The following EEF1AKMT1 variants were observed in gnomAD, a reference collection of about 807,000 sequenced individuals.
EEF1AKMT1 encodes the protein EEF1A lysine methyltransferase 1.
A neutral mutation model predicts 21.0 loss-of-function variants in EEF1AKMT1; 18 were observed. The observed-to-expected ratio is 0.86, with a 90% CI of 0.59 to 1.27. EEF1AKMT1 has a LOEUF of 1.27. Among genes scored for constraint, EEF1AKMT1 ranks in the 50% most tolerant of loss-of-function variants. EEF1AKMT1 has a pLI of 0.00. For synonymous variants in EEF1AKMT1, 109 were observed against 94.8 expected (o/e 1.15, Z -0.87); for missense variants, 246 against 258.6 (o/e 0.95, Z 0.33).
intron 1 of EEF1AKMT1, among the ~76,000 whole-genome samples, chr13:20,767,486 T>G (rs981584622): frequency 3.3e-5 from 5 of 152,002 alleles, no homozygotes; most frequent in Non-Finnish European, 5.9e-5. Flanking sequence ...CAAGTTTTCT[T>G]TTGGTATTTT....
chr13:20,738,040 C>A (rs1447191618), intron 2 of EEF1AKMT1, among the ~76,000 whole-genome samples: 1 of 152,196 alleles, frequency 6.6e-6, no homozygotes, highest in Non-Finnish European at 1.5e-5. Context: ...CACTGAGTAT[C>A]AACGGCTATT....
At chr13:20,749,238 C>G (rs1013134562) in intron 2 of EEF1AKMT1, among the ~76,000 whole-genome samples, 1 of 152,060 alleles carries the variant, frequency 6.6e-6, no homozygotes, top group African/African-American at 2.4e-5. Context: ...CCTTTCAATA[C>G]AATTTTCTAC....
chr13:20,746,826 T>C (rs1335641792), intron 2 of EEF1AKMT1, among the ~76,000 whole-genome samples: 12 of 152,226 alleles, frequency 7.9e-5, no homozygotes, highest in South Asian at 2.1e-4. Context: ...CCACTGAGCA[T>C]TGTGATGTGA....
intron 3 of EEF1AKMT1, among the ~76,000 whole-genome samples, chr13:20,736,923 A>G (rs934237971): frequency 6.6e-6 from 1 of 151,446 alleles, no homozygotes; most frequent in African/African-American, 2.4e-5. Flanking sequence ...TCATAGAGAA[A>G]GGGTTTCACC....
intron 2 of EEF1AKMT1, among the ~76,000 whole-genome samples, chr13:20,738,378 T>C (rs1384098564): frequency 6.6e-6 from 1 of 152,228 alleles, no homozygotes; most frequent in Admixed American, 6.5e-5. Flanking sequence ...TTTTAAAAAA[T>C]TTCTAGTGAT....
intron 2 of EEF1AKMT1, among the ~76,000 whole-genome samples, chr13:20,748,323 C>T (rs1158539584): frequency 3.9e-5 from 6 of 151,978 alleles, no homozygotes; most frequent in African/African-American, 1.2e-4. Flanking sequence ...GTAGTCCCAG[C>T]TACTCAGGAG....
chr13:20,773,598 G>A (rs1291421203), intron 1 of EEF1AKMT1, among the ~76,000 whole-genome samples: 1 of 152,242 alleles, frequency 6.6e-6, no homozygotes, highest in East Asian at 1.9e-4. Flanking sequence ...TCCACGCGCT[G>A]CCGTAGCCTG....
chr13:20,757,360 T>G, intron 2 of EEF1AKMT1, 95 bp downstream of exon 2: 1 of 1,420,546 alleles, frequency 7.0e-7, no homozygotes, highest in Non-Finnish European at 9.6e-7. Context: ...GTGACAGAGA[T>G]TCCGGTTTTA....
chr13:20,754,785 T>C (rs545914094), intron 2 of EEF1AKMT1, among the ~76,000 whole-genome samples: 7 of 149,028 alleles, frequency 4.7e-5, no homozygotes, highest in Non-Finnish European at 1.0e-4. Flanking sequence ...TAGTGGCACA[T>C]GCCTGTAGGC....
chr13:20,764,880 A>AACAC (rs34574835), intron 1 of EEF1AKMT1, among the ~76,000 whole-genome samples: 33,778 of 139,622 alleles, frequency 0.24, 4,314 homozygotes, highest in Admixed American at 0.33. Flanking sequence ...TTTCACTTTC[A>AACAC]ACACACACAC....
rs1269589048 is a variant in EEF1AKMT1 at position 20,759,691 on chromosome 13, AGGCATACAAGT to A, written c.-19-2085_-19-2075del. Among the ~76,000 whole-genome samples the A allele has an allele frequency of 2.0e-5, 3 of 152,360 alleles. No homozygotes were observed. The East Asian group carries it at 5.8e-4, about 29-fold the overall frequency. Reference sequence around the variant, plus strand: ...GTGGGCAAAGTACATGATTAATAGAAGGCATACAAGTGGCCAAGAAACATGAAAAAATGCTC... The same window carrying A: ...GTGGGCAAAGTACATGATTAATAGAAGGCCAAGAAACATGAAAAAATGCTC... On this transcript the variant is annotated intron_variant, in intron 1 of 4. Transcript: ENST00000382758.
chr13:20,767,176 A>AGG (rs1322699298), intron 1 of EEF1AKMT1, among the ~76,000 whole-genome samples: 15 of 150,710 alleles, frequency 1.0e-4, no homozygotes, highest in Admixed American at 9.9e-4. Context: ...CGTTGTGGCA[A>AGG]GCACCTGTAG....
chr13:20,739,045 A>C (rs377010146), intron 2 of EEF1AKMT1, among the ~76,000 whole-genome samples: 3 of 152,138 alleles, frequency 2.0e-5, no homozygotes, highest in East Asian at 1.9e-4. Context: ...ACGTATTCAA[A>C]GTTTCTTCCT....
chr13:20,768,721 G>A (rs945196800), intron 1 of EEF1AKMT1, among the ~76,000 whole-genome samples: 9 of 152,096 alleles, frequency 5.9e-5, no homozygotes, highest in African/African-American at 2.2e-4. Context: ...GGAAGGCTTA[G>A]ATGGTAAATA....
chr13:20,754,039 G>A (rs2058957760), intron 2 of EEF1AKMT1, among the ~76,000 whole-genome samples: 1 of 151,942 alleles, frequency 6.6e-6, no homozygotes, highest in Non-Finnish European at 1.5e-5. Flanking sequence ...ATTATGGTTT[G>A]GTGGTTTTCT....
At chr13:20,733,113 T>TTTTTTTA (rs2058807319) in intron 3 of EEF1AKMT1, among the ~76,000 whole-genome samples, 1 of 150,730 alleles carries the variant, frequency 6.6e-6, no homozygotes, top group African/African-American at 2.4e-5. Context: ...TTTTTTTTTT[T>TTTTTTTA]GAGACAGGGT....
intron 1 of EEF1AKMT1, among the ~76,000 whole-genome samples, chr13:20,767,198 C>T (rs1333206172): frequency 4.1e-5 from 6 of 146,812 alleles, no homozygotes; most frequent in African/African-American, 1.3e-4. Context: ...CCCAGCTACT[C>T]GGGAGGCTGA....
At chr13:20,756,838 C>G (rs1396712729) in intron 2 of EEF1AKMT1, among the ~76,000 whole-genome samples, 1 of 151,916 alleles carries the variant, frequency 6.6e-6, no homozygotes, top group Non-Finnish European at 1.5e-5. Context: ...TCACCTTTAC[C>G]TTTTTTGCAT....
chr13:20,771,367 A>C (rs553152287), intron 1 of EEF1AKMT1, among the ~76,000 whole-genome samples: 1 of 152,340 alleles, frequency 6.6e-6, no homozygotes, highest in East Asian at 1.9e-4. Context: ...AAAGGCAATT[A>C]AATTCCAATC....
Sources: gnomAD v4.1 joint callset for allele counts (sites outside exome capture counted in the v4.1 genomes callset) on GRCh38, gnomAD v4.1.1 for gene constraint, MANE v1.5 for transcripts, NCBI Gene and HGNC (gene_info 2026-07-23, HGNC 2026-07-21) for gene names.